The following SLC24A2 variants were observed in gnomAD, a reference collection of about 807,000 sequenced individuals.
The protein encoded by SLC24A2 is solute carrier family 24 member 2, also known as sodium/potassium/calcium exchanger 2.
SLC24A2 carries 36 observed loss-of-function variants against 62.0 expected under a neutral mutation model. The ratio of observed to expected loss-of-function variants is 0.58; its 90% CI spans 0.44 to 0.77. The LOEUF (loss-of-function observed/expected upper bound fraction) is 0.77, where lower values mean the gene tolerates loss of function less well. Ranked by LOEUF, SLC24A2 falls within the 30% of genes least tolerant of loss-of-function variation. The pLI, the probability that SLC24A2 is intolerant of heterozygous loss-of-function variation, is 0.00. For synonymous variants in SLC24A2, 358 were observed against 294.0 expected, an observed-to-expected ratio of 1.22 and a Z score of -2.23; for missense variants, 846 against 817.9, an observed-to-expected ratio of 1.03 and a Z score of -0.42.
At chr9:20,173,868 C>G in the SLC24A2 span, among the ~76,000 whole-genome samples, 1 of 151,818 alleles carries the variant, frequency 6.6e-6, no homozygotes, top group African/African-American at 2.4e-5. Context: ...TCATATGGAA[C>G]CAAAAAAGAA....
At chr9:20,108,602 A>G in the SLC24A2 span, among the ~76,000 whole-genome samples, 1 of 152,072 alleles carries the variant, frequency 6.6e-6, no homozygotes, top group Non-Finnish European at 1.5e-5. Flanking sequence ...GCAAGAACAA[A>G]AAACCAAACA....
At chr9:19,850,934 T>TGTGGGC in the SLC24A2 span, among the ~76,000 whole-genome samples, 1 of 56,678 alleles carries the variant, frequency 1.8e-5, no homozygotes, top group East Asian at 3.9e-4. Context: ...CATGTGGGCA[T>TGTGGGC]ATATATATAT....
intron 8 of SLC24A2, among the ~76,000 whole-genome samples, chr9:19,535,669 G>C (rs1833928282): frequency 6.6e-6 from 1 of 152,160 alleles, no homozygotes; most frequent in Admixed American, 6.5e-5. Flanking sequence ...TTGTAGATGT[G>C]TGGTGTTATT....
chr9:19,782,687 G>A (rs1823051412), intron 2 of SLC24A2, among the ~76,000 whole-genome samples: 1 of 152,138 alleles, frequency 6.6e-6, no homozygotes, highest in Admixed American at 6.5e-5. Context: ...ACTTAAGAAT[G>A]AAACATAAAA....
intron 2 of SLC24A2, among the ~76,000 whole-genome samples, chr9:19,671,195 T>TCC (rs1188727120): frequency 2.7e-5 from 4 of 149,472 alleles, no homozygotes; most frequent in South Asian, 2.2e-4. Flanking sequence ...GGGACATGTT[T>TCC]ATTTGTTTGT....
intron 3 of SLC24A2, 96 bp from the exon 4 acceptor site, chr9:19,619,788 T>C (rs1423974395): frequency 1.3e-5 from 12 of 904,984 alleles, no homozygotes; most frequent in East Asian, 2.5e-5. Context: ...CACTCATTTC[T>C]GTCGCATGAT....
At chr9:19,774,706 G>C (rs1165750645) in intron 2 of SLC24A2, among the ~76,000 whole-genome samples, 1 of 152,154 alleles carries the variant, frequency 6.6e-6, no homozygotes, top group Non-Finnish European at 1.5e-5. Context: ...AAAAGAGAAA[G>C]TTACTTACAG....
At chr9:20,295,905 A>G in the SLC24A2 span, among the ~76,000 whole-genome samples, 2 of 152,174 alleles carry the variant, frequency 1.3e-5, no homozygotes, top group Admixed American at 6.5e-5. Flanking sequence ...CCCTTCTTAT[A>G]TATCTAAATC....
At chr9:20,152,032 T>A in the SLC24A2 span, among the ~76,000 whole-genome samples, 1 of 151,880 alleles carries the variant, frequency 6.6e-6, no homozygotes, top group Non-Finnish European at 1.5e-5. Context: ...TTCTTCACCA[T>A]CTCCCATGGT....
chr9:19,792,619 A>G (rs1218691597), upstream of SLC24A2, among the ~76,000 whole-genome samples: 1 of 151,644 alleles, frequency 6.6e-6, no homozygotes, highest in Non-Finnish European at 1.5e-5. Context: ...GAGGTAGGAG[A>G]ATCACTTGAA....
At chr9:20,131,818 A>G in the SLC24A2 span, among the ~76,000 whole-genome samples, 1 of 152,136 alleles carries the variant, frequency 6.6e-6, no homozygotes, top group African/African-American at 2.4e-5. Context: ...CAATAATTTA[A>G]AAGGAATGAA....
At chr9:20,146,755 A>T in the SLC24A2 span, among the ~76,000 whole-genome samples, 4 of 152,092 alleles carry the variant, frequency 2.6e-5, no homozygotes, top group Admixed American at 2.6e-4. Flanking sequence ...AATGCAGGTA[A>T]CCCGTAAGCT....
chr9:19,758,127 A>G (rs1822202482), intron 2 of SLC24A2, among the ~76,000 whole-genome samples: 1 of 152,208 alleles, frequency 6.6e-6, no homozygotes, highest in South Asian at 2.1e-4. Flanking sequence ...ACTAAGATAC[A>G]TACCAACAGA....
the SLC24A2 span, among the ~76,000 whole-genome samples, chr9:19,846,556 G>A: frequency 6.6e-6 from 1 of 152,212 alleles, no homozygotes; most frequent in East Asian, 1.9e-4. Context: ...TTGCCACTCT[G>A]CCTTTTAAGT....
At chr9:19,956,809 A>G in the SLC24A2 span, among the ~76,000 whole-genome samples, 1 of 152,182 alleles carries the variant, frequency 6.6e-6, no homozygotes, top group African/African-American at 2.4e-5. Context: ...CAGCCAAACC[A>G]TATCAGTCAT....
At chr9:20,053,601 TTAGGTCATGA>T in the SLC24A2 span, among the ~76,000 whole-genome samples, 2 of 152,168 alleles carry the variant, frequency 1.3e-5, no homozygotes, top group Non-Finnish European at 2.9e-5. Context: ...TTGGGGATGA[TTAGGTCATGA>T]GGGTGGAACC....
At chr9:19,805,102 C>G in the SLC24A2 span, among the ~76,000 whole-genome samples, 1 of 152,212 alleles carries the variant, frequency 6.6e-6, no homozygotes, top group Non-Finnish European at 1.5e-5. Context: ...TTATTCTTGA[C>G]TCTGGTCAGC....
chr9:19,614,941 C>A (rs896284674), intron 4 of SLC24A2, among the ~76,000 whole-genome samples: 1 of 152,060 alleles, frequency 6.6e-6, no homozygotes, highest in Non-Finnish European at 1.5e-5. Flanking sequence ...CCCAGGTAAT[C>A]CCTGCTCAAA....
chr9:20,226,599 G>C, the SLC24A2 span, among the ~76,000 whole-genome samples: 3 of 152,060 alleles, frequency 2.0e-5, no homozygotes, highest in African/African-American at 7.2e-5. Flanking sequence ...GGGCTCCCTT[G>C]GGTGTATGTG....
Sources: allele counts gnomAD v4.1 joint callset (sites outside exome capture counted in the v4.1 genomes callset), GRCh38; gene constraint gnomAD v4.1.1; transcripts MANE v1.5; gene names NCBI Gene and HGNC (gene_info 2026-07-23, HGNC 2026-07-21).